GABRG3: variants seen among roughly 807,000 people sequenced by gnomAD.
The protein encoded by GABRG3 is gamma-aminobutyric acid type A receptor subunit gamma3.
Under a neutral mutation model 48.8 loss-of-function variants are expected in GABRG3, and 25 were observed. That is an observed-to-expected ratio of 0.51 (90% CI 0.37 to 0.72). GABRG3 has a LOEUF of 0.72. Ranked by LOEUF, GABRG3 falls within the 30% of genes least tolerant of loss-of-function variation. GABRG3 has a pLI of 0.00. For synonymous variants in GABRG3, 227 were observed against 217.6 expected, an observed-to-expected ratio of 1.04 and a Z score of -0.38; for missense variants, 394 against 577.9, an observed-to-expected ratio of 0.68 and a Z score of 3.26.
intron 3 of GABRG3, among the ~76,000 whole-genome samples, chr15:27,150,373 TA>T (rs1898288427): frequency 6.6e-6 from 1 of 152,304 alleles, no homozygotes; most frequent in Non-Finnish European, 1.5e-5. Flanking sequence ...ACTTTAGAAT[TA>T]AAAAATGCAT....
intron 3 of GABRG3, among the ~76,000 whole-genome samples, chr15:27,275,556 T>G (rs1891224979): frequency 6.6e-6 from 1 of 152,184 alleles, no homozygotes; most frequent in Non-Finnish European, 1.5e-5. Context: ...GGGATATACG[T>G]GTCTCAGACT....
rs1275422981 is a variant in GABRG3, at chr15:27,030,363, C to A, written c.270+3542C>A. ...ATTAACACTGAAGATTCTGCCTCAG[C>A]CATTCCTTCTGTGGAGTGGAAATGA... On this transcript the variant is annotated intron_variant, in intron 3 of 9. Transcript: ENST00000615808. Among the ~76,000 whole-genome samples the A allele has an allele frequency of 4.6e-5, 7 of 152,296 alleles. No individual in the cohort carries two copies. In the South Asian group the frequency reaches 1.0e-3, roughly 23 times the overall value.
intron 9 of GABRG3, among the ~76,000 whole-genome samples, chr15:27,531,875 G>A (rs1891431576): frequency 6.6e-6 from 1 of 152,148 alleles, no homozygotes; most frequent in Admixed American, 6.5e-5. Context: ...TTCCACTGCA[G>A]GAGGAGGGCT....
At chr15:27,274,170 G>A (rs923633741) in intron 3 of GABRG3, among the ~76,000 whole-genome samples, 2 of 152,212 alleles carry the variant, frequency 1.3e-5, no homozygotes, top group African/African-American at 4.8e-5. Context: ...CAAGGACAGA[G>A]TAGTGACTGG....
At chr15:27,067,212 A>C (rs1202567670) in intron 3 of GABRG3, among the ~76,000 whole-genome samples, 2 of 152,116 alleles carry the variant, frequency 1.3e-5, no homozygotes. Context: ...CCAGGAGCCG[A>C]GTGGACCTGG....
chr15:27,288,815 T>C (rs1344516520), intron 3 of GABRG3, among the ~76,000 whole-genome samples: 1 of 152,186 alleles, frequency 6.6e-6, no homozygotes, highest in Admixed American at 6.5e-5. Flanking sequence ...TTCCACATAA[T>C]GTGATTTTCC....
chr15:27,442,826 CA>C (rs1360392085), intron 5 of GABRG3, among the ~76,000 whole-genome samples: 1 of 152,206 alleles, frequency 6.6e-6, no homozygotes, highest in Non-Finnish European at 1.5e-5. Flanking sequence ...ATAGTCCATA[CA>C]TACAATCATT....
intron 2 of GABRG3, among the ~76,000 whole-genome samples, chr15:26,981,992 GCCTCT>G (rs1190145540): frequency 2.3e-4 from 35 of 152,184 alleles, no homozygotes; most frequent in South Asian, 4.1e-4. Context: ...TGCCTCAGTT[GCCTCT>G]CCTATGCAAT....
chr15:27,346,053 C>CAGAAA (rs369704615), intron 5 of GABRG3, among the ~76,000 whole-genome samples: 3 of 80 alleles, frequency 0.037, no homozygotes, highest in African/African-American at 0.12. Flanking sequence ...GACTCCCTCT[C>CAGAAA]NAAAANNAAA....
At chr15:27,282,869 C>T (rs1235963245) in intron 3 of GABRG3, among the ~76,000 whole-genome samples, 3 of 152,146 alleles carry the variant, frequency 2.0e-5, no homozygotes, top group Admixed American at 6.5e-5. Flanking sequence ...CTGCTAAAAT[C>T]GTGCTAGGTG....
intron 2 of GABRG3, among the ~76,000 whole-genome samples, chr15:27,023,619 T>C (rs1165614929): frequency 6.6e-6 from 1 of 152,262 alleles, no homozygotes; most frequent in East Asian, 1.9e-4. Context: ...GGTTTATCCA[T>C]GTTGTGGCAC....
intron 3 of GABRG3, among the ~76,000 whole-genome samples, chr15:27,258,666 T>C (rs2140464932): frequency 6.6e-6 from 1 of 152,298 alleles, no homozygotes; most frequent in East Asian, 1.9e-4. Flanking sequence ...GATATTCCCA[T>C]ACATGCATAC....
intron 3 of GABRG3, among the ~76,000 whole-genome samples, chr15:27,037,867 A>G (rs1286345806): frequency 6.6e-6 from 1 of 152,186 alleles, no homozygotes; most frequent in Non-Finnish European, 1.5e-5. Flanking sequence ...GTCCAAGATC[A>G]TGGTGCTCCT....
intron 3 of GABRG3, among the ~76,000 whole-genome samples, chr15:27,176,956 T>A (rs1227816323): frequency 6.6e-6 from 1 of 152,166 alleles, no homozygotes; most frequent in Non-Finnish European, 1.5e-5. Flanking sequence ...GAAAAGCCAA[T>A]ACACTGAGAC....
intron 3 of GABRG3, among the ~76,000 whole-genome samples, chr15:27,166,380 C>G (rs1012572705): frequency 2.0e-5 from 3 of 152,132 alleles, no homozygotes; most frequent in African/African-American, 7.2e-5. Context: ...TTAAGAAATG[C>G]CCTAATGTGG....
At chr15:27,340,896 T>A (rs1894150575) in intron 5 of GABRG3, 1 of 447,200 alleles carries the variant, frequency 2.2e-6, no homozygotes, top group East Asian at 5.7e-5. Context: ...TTCTGTTATG[T>A]ACTTTTGTGC....
chr15:27,306,614 A>C lies in GABRG3; in HGVS notation c.271-20195A>C, dbSNP rs1892485343. 2.3e-5 allele frequency among the ~76,000 whole-genome samples: 3 copies of C among 128,820 alleles called. No individual in the cohort carries two copies. In the East Asian group the frequency reaches 6.5e-4, roughly 28 times the overall value. 84.5% of individuals were successfully genotyped at this position (128,820 alleles called of 152,430 possible). The stretch of plus-strand genomic sequence containing the variant: ...TAATATAAACATATGTTTATATATA[A>C]ACATATATAATATAAACATATATTT... On this transcript the variant is annotated intron_variant, in intron 3 of 9. Coordinates refer to ENST00000615808, the MANE Select transcript of GABRG3 (RefSeq NM_033223.5).
intron 5 of GABRG3, among the ~76,000 whole-genome samples, chr15:27,453,550 A>G (rs1025503112): frequency 2.0e-5 from 3 of 152,214 alleles, no homozygotes; most frequent in African/African-American, 4.8e-5. Context: ...ATCTCACAGT[A>G]TCCTTCAAAG....
At chr15:27,331,401 A>C (rs1444616387) in intron 5 of GABRG3, among the ~76,000 whole-genome samples, 1 of 152,246 alleles carries the variant, frequency 6.6e-6, no homozygotes, top group Non-Finnish European at 1.5e-5. Flanking sequence ...ATGGAATATT[A>C]TTCAGCACTA....
Sources: gnomAD v4.1 joint callset for allele counts (sites outside exome capture counted in the v4.1 genomes callset) on GRCh38, gnomAD v4.1.1 for gene constraint, MANE v1.5 for transcripts, NCBI Gene and HGNC (gene_info 2026-07-23, HGNC 2026-07-21) for gene names.